SCUBE1: variants seen among roughly 807,000 people sequenced by gnomAD.
The protein encoded by SCUBE1 is signal peptide, CUB domain and EGF like domain containing 1, also known as signal peptide, CUB and EGF-like domain-containing protein 1.
In SCUBE1, 59 loss-of-function variants were observed where a neutral mutation model predicts 124.4. That is an observed-to-expected ratio of 0.47 (90% CI 0.38 to 0.59). The LOEUF (loss-of-function observed/expected upper bound fraction) is 0.59. Ranked by LOEUF, SCUBE1 falls within the 20% of genes least tolerant of loss-of-function variation. SCUBE1 has a pLI of 0.00. For missense variants in SCUBE1, 1,150 were observed against 1,371.2 expected (o/e 0.84, Z 2.55); for synonymous variants, 545 against 550.9 (o/e 0.99, Z 0.15).
intron 6 of SCUBE1, among the ~76,000 whole-genome samples, chr22:43,256,481 A>T: frequency 6.6e-6 from 1 of 152,028 alleles, no homozygotes; most frequent in Non-Finnish European, 1.5e-5. Flanking sequence ...CTCTTCCTGG[A>T]CAGGAGTAGA....
chr22:43,210,825 C>G lies in SCUBE1; in HGVS notation c.2383+97G>C. The G allele has an allele frequency of 1.4e-6, 2 of 1,424,158 alleles. No individual in the cohort carries two copies. The highest frequency in any genetic ancestry group is 2.0e-6 in the Non-Finnish European group (2 of 1,024,446). 88.2% of individuals were successfully genotyped at this position (1,424,158 alleles called of 1,614,324 possible). On this transcript the variant is annotated intron_variant, in intron 18 of 21. Transcript: ENST00000360835. The surrounding 1 kb of genome is among the most constrained non-coding windows in gnomAD (Gnocchi z 4.5). The stretch of plus-strand genomic sequence containing the variant: ...CGGAGCGGGAGGAGTCCAGTGTCCT[C>G]GTGGAGCTCGTGTGAGATCAGGTCT...
At position 43,210,018 on chromosome 22, in the gene SCUBE1, C is replaced by G. The variant is rs202093889; in HGVS notation, c.2581+25G>C. Reference sequence around the variant, plus strand: ...GGTGCACACGCAGCTGAGGCTGCCTCTGGTCCCCTCGGCCCCCAACATACC... The same window carrying G: ...GGTGCACACGCAGCTGAGGCTGCCTGTGGTCCCCTCGGCCCCCAACATACC... On this transcript the variant is annotated intron_variant, in intron 19 of 21. Coordinates refer to ENST00000360835, the MANE Select transcript of SCUBE1 (RefSeq NM_173050.5). This position sits in a 1 kb window ranked among gnomAD's most constrained non-coding sequence, Gnocchi z 4.5. The G allele has an allele frequency of 2.0e-5, 32 of 1,574,040 alleles. No individual in the cohort carries two copies. In the East Asian group the frequency reaches 7.0e-4, roughly 35 times the overall value.
At chr22:43,293,284 AC>A (rs1925438244) in intron 3 of SCUBE1, among the ~76,000 whole-genome samples, 1 of 152,254 alleles carries the variant, frequency 6.6e-6, no homozygotes, top group African/African-American at 2.4e-5. Context: ...CCTCACAGCT[AC>A]CTGGGTGACA....
At position 43,210,098 on chromosome 22, in the gene SCUBE1, C is replaced by G. The variant is rs1921476548; in HGVS notation, c.2526G>C (p.Glu842Asp). 1 of 1,612,884 alleles carries G rather than the reference C, an allele frequency of 6.2e-7. No homozygotes were observed. The highest frequency in any genetic ancestry group is 8.5e-7 in the Non-Finnish European group (1 of 1,179,698). ...PKRRILIVVP[E>D]IFLPIEDECG... ...ACTCATCCTCGATGGGCAGGAAGAT[C>G]TCAGGGACCACGATGAGGATCCTGC... Residue 842 changes from glutamate to aspartate, a missense_variant, in exon 19 of 22, where the codon GAG becomes GAC. Glu to Asp is a conservative substitution (Grantham distance 45, BLOSUM62 2). Transcript: ENST00000360835. The surrounding 1 kb of genome is among the most constrained non-coding windows in gnomAD (Gnocchi z 4.5).
chr22:43,308,615 C>T (rs988961422), intron 3 of SCUBE1, among the ~76,000 whole-genome samples: 1 of 152,238 alleles, frequency 6.6e-6, no homozygotes, highest in African/African-American at 2.4e-5. Flanking sequence ...TTTAAAAGGC[C>T]GCGATGGCGC....
At chr22:43,308,857 A>G (rs1263100985) in intron 3 of SCUBE1, among the ~76,000 whole-genome samples, 1 of 152,258 alleles carries the variant, frequency 6.6e-6, no homozygotes, top group Non-Finnish European at 1.5e-5. Flanking sequence ...GACCGACCCC[A>G]TTTCACAGAG....
chr22:43,307,712 C>T (rs1380506510), intron 3 of SCUBE1, among the ~76,000 whole-genome samples: 1 of 152,190 alleles, frequency 6.6e-6, no homozygotes, highest in Non-Finnish European at 1.5e-5. Flanking sequence ...CCCGTTCAGC[C>T]ACAGCGTGAG....
chr22:43,214,997 A>G (rs778375044), intron 15 of SCUBE1, among the ~76,000 whole-genome samples: 8 of 152,130 alleles, frequency 5.3e-5, no homozygotes, highest in Non-Finnish European at 1.0e-4. Context: ...ATAGATTCCC[A>G]TGCCTGTGTG....
chr22:43,285,362 C>T (rs1432755319), intron 4 of SCUBE1, among the ~76,000 whole-genome samples: 6 of 152,206 alleles, frequency 3.9e-5, no homozygotes, highest in Admixed American at 3.9e-4. Context: ...CCCACGCCCA[C>T]CTTCCTCTCT....
At position 43,291,036 on chromosome 22, in the gene SCUBE1, C is replaced by T. The variant is rs1219162773; in HGVS notation, c.484+10G>A. 1.3e-6 allele frequency: 2 copies of T among 1,598,426 alleles called. No homozygotes were observed. Among genetic ancestry groups the T allele is most frequent in the Admixed American group, 1.7e-5 (1 of 58,694 alleles). On this transcript the variant is annotated intron_variant, in intron 4 of 21. Coordinates refer to ENST00000360835, the MANE Select transcript of SCUBE1 (RefSeq NM_173050.5). ...GGGGGACATGCCTGGTCAGCATAGG[C>T]TGTACTCACCATTGGAGCGGTGGAT...
At chr22:43,282,648 T>C (rs1285816179) in intron 4 of SCUBE1, 1 of 151,374 alleles carries the variant, frequency 6.6e-6, no homozygotes, top group African/African-American at 2.4e-5. Flanking sequence ...CTTCTCTCCA[T>C]CAGTTGGCCA....
chr22:43,238,030 C>T (rs1231473346), intron 7 of SCUBE1: 3 of 152,560 alleles, frequency 2.0e-5, no homozygotes, highest in African/African-American at 7.2e-5. Flanking sequence ...GTAGCTGGAC[C>T]TCCTCATCTG....
intron 4 of SCUBE1, among the ~76,000 whole-genome samples, chr22:43,269,164 GTCT>G (rs975821612): frequency 2.6e-5 from 4 of 152,194 alleles, no homozygotes; most frequent in Non-Finnish European, 5.9e-5. Flanking sequence ...CCCGGGCTGT[GTCT>G]TCTTCTCCAA....
In SCUBE1 at chr22:43,208,075, C is replaced by T. The variant is rs143344711; in HGVS notation, c.2731G>A (p.Asp911Asn). ...KGFQVPYVTY[D>N]EDYQQLIEDI... ...CCGTGAAGACAGTGGATCTTACCATCGTAGGTGACATAGGGCACTTGGAAG... is the reference window on the plus strand; with the variant it reads ...CCGTGAAGACAGTGGATCTTACCATTGTAGGTGACATAGGGCACTTGGAAG... The change falls in exon 20 of 22, where the codon GAT becomes AAT. Residue 911 changes from aspartate (D) to asparagine (N), a missense_variant. Physicochemically the swap from Asp to Asn is conservative, Grantham distance 23. Coordinates refer to ENST00000360835, the MANE Select transcript of SCUBE1 (RefSeq NM_173050.5). 2 of 1,614,062 alleles carry T rather than the reference C, an allele frequency of 1.2e-6. No homozygotes were observed. The highest frequency in any genetic ancestry group is 8.5e-7 in the Non-Finnish European group (1 of 1,179,998).
chr22:43,325,444 TAAAAAAAA>T, intron 2 of SCUBE1, among the ~76,000 whole-genome samples: 1 of 89,484 alleles, frequency 1.1e-5, no homozygotes, highest in East Asian at 3.5e-4. Context: ...ACTCCGTCTT[TAAAAAAAA>T]AAAAAAAAAA....
chr22:43,230,591 G>A (rs1361734232), intron 8 of SCUBE1, among the ~76,000 whole-genome samples: 1 of 152,216 alleles, frequency 6.6e-6, no homozygotes, highest in Non-Finnish European at 1.5e-5. Flanking sequence ...ACTTGGCAAG[G>A]CCAACAGAGA....
At chr22:43,269,848 G>A (rs1342684550) in intron 4 of SCUBE1, among the ~76,000 whole-genome samples, 3 of 152,166 alleles carry the variant, frequency 2.0e-5, no homozygotes, top group African/African-American at 7.2e-5. Context: ...GGGGAAGGTG[G>A]TGCCCAGGGG....
chr22:43,252,303 C>T (rs1044940995), intron 6 of SCUBE1, among the ~76,000 whole-genome samples: 9 of 152,246 alleles, frequency 5.9e-5, no homozygotes, highest in African/African-American at 1.9e-4. Context: ...GCCACAATCC[C>T]GGCTCTGTCC....
Position 43,211,173 on chromosome 22 carries a change from C to T in SCUBE1, c.2222-90G>A. The T allele has an allele frequency of 7.3e-7, 1 of 1,363,950 alleles. No homozygotes were observed. The highest frequency in any genetic ancestry group is 2.5e-5 in the East Asian group (1 of 39,840). 84.5% of individuals were successfully genotyped at this position (1,363,950 alleles called of 1,614,324 possible). ...TGCTGTCCCCAGGACCTCTCATGCC[C>T]TCGAGGTCTGTTTTGGCACAGAGTT... On this transcript the variant is annotated intron_variant, in intron 17 of 21. Coordinates refer to ENST00000360835, the MANE Select transcript of SCUBE1 (RefSeq NM_173050.5). This position sits in a 1 kb window ranked among gnomAD's most constrained non-coding sequence, Gnocchi z 4.5.
Sources: gnomAD v4.1 joint callset for allele counts (sites outside exome capture counted in the v4.1 genomes callset) on GRCh38, gnomAD v4.1.1 for gene constraint, Gnocchi (gnomAD v3.1) non-coding constraint, MANE v1.5 for transcripts, NCBI Gene and HGNC (gene_info 2026-07-23, HGNC 2026-07-21) for gene names.